Variants in TBX15 observed in about 807,000 individuals in gnomAD.
TBX15 encodes T-box transcription factor TBX15.
In TBX15, 18 loss-of-function variants were observed where a neutral mutation model predicts 53.9. The observed-to-expected ratio is 0.33, with a 90% CI of 0.23 to 0.49. TBX15 has a LOEUF of 0.49. TBX15 is among the 20% of genes least tolerant of loss of function. The pLI, the probability that TBX15 is intolerant of heterozygous loss-of-function variation, is 0.98. For synonymous variants in TBX15, 295 were observed against 278.0 expected (o/e 1.06, Z -0.61); for missense variants, 692 against 749.5 (o/e 0.92, Z 0.90).
chr1:118,941,623 C>T (rs1231352936), intron 1 of TBX15, among the ~76,000 whole-genome samples: 1 of 152,308 alleles, frequency 6.6e-6, no homozygotes, highest in South Asian at 2.1e-4. Flanking sequence ...TTCATTCGTT[C>T]AGCAAATAAT....
At chr1:118,939,442 A>AAAAAAAAAAAAAAAAAAAAAAAC (rs1656090809) in intron 1 of TBX15, among the ~76,000 whole-genome samples, 1 of 140,854 alleles carries the variant, frequency 7.1e-6, no homozygotes, top group Non-Finnish European at 1.5e-5. Context: ...AAAAACAAAA[A>AAAAAAAAAAAAAAAAAAAAAAAC]CAGGAACAGA....
intron 1 of TBX15, among the ~76,000 whole-genome samples, chr1:118,985,785 C>T (rs1418384012): frequency 6.6e-6 from 1 of 152,216 alleles, no homozygotes; most frequent in Non-Finnish European, 1.5e-5. Context: ...AGATCTTCCA[C>T]CCCACCCCCA....
At position 118,884,975 on chromosome 1, in the gene TBX15, G is replaced by A. The variant is rs747507128; in HGVS notation, c.1566C>T (p.Phe522=). The A allele has an allele frequency of 1.2e-6, 2 of 1,614,172 alleles. No homozygotes were observed. The highest frequency in any genetic ancestry group is 1.7e-6 in the Non-Finnish European group (2 of 1,180,034). ...HNPYNLYGYN[F]PTSPRLAASP... ...TTGCAGCTAGCCTAGGGGAAGTGGGGAAATTGTATCCATACAGGTTGTAAG... is the reference window on the plus strand; with the variant it reads ...TTGCAGCTAGCCTAGGGGAAGTGGGAAAATTGTATCCATACAGGTTGTAAG... The change falls in exon 8 of 8, where the codon TTC becomes TTT. Residue 522 remains phenylalanine, a synonymous_variant. Coordinates refer to ENST00000369429, the MANE Select transcript of TBX15 (RefSeq NM_001330677.2).
At chr1:118,921,113 G>T (rs1655411419) in intron 5 of TBX15, among the ~76,000 whole-genome samples, 1 of 152,046 alleles carries the variant, frequency 6.6e-6, no homozygotes, top group Admixed American at 6.5e-5. Flanking sequence ...CAGGAGGCCA[G>T]GGCTGCAGTG....
chr1:118,949,160 C>A (rs1409155), intron 1 of TBX15, among the ~76,000 whole-genome samples: 46,170 of 151,810 alleles, frequency 0.3, 8,470 homozygotes, highest in East Asian at 0.57. Context: ...ACACAGGAGT[C>A]AGGAATAGCA....
At chr1:118,939,425 A>AAAAAAAAAAAAAAAAAAAAAAAAAG (rs1656083281) in intron 1 of TBX15, among the ~76,000 whole-genome samples, 1 of 107,670 alleles carries the variant, frequency 9.3e-6, no homozygotes. Context: ...AAAAAAAAAA[A>AAAAAAAAAAAAAAAAAAAAAAAAAG]AAAAAAAAAA....
At chr1:118,978,653 A>G (rs192729926) in intron 1 of TBX15, among the ~76,000 whole-genome samples, 4 of 152,340 alleles carry the variant, frequency 2.6e-5, no homozygotes, top group Admixed American at 2.0e-4. Flanking sequence ...GATATAATAC[A>G]GAACATGAAG....
At chr1:118,902,021 T>A (rs913257212) in intron 6 of TBX15, among the ~76,000 whole-genome samples, 2 of 152,116 alleles carry the variant, frequency 1.3e-5, no homozygotes, top group African/African-American at 2.4e-5. Context: ...CCTAACCATG[T>A]CTTATTAATC....
At chr1:118,934,718 C>A (rs1655908548) in intron 1 of TBX15, among the ~76,000 whole-genome samples, 1 of 152,178 alleles carries the variant, frequency 6.6e-6, no homozygotes, top group Non-Finnish European at 1.5e-5. Context: ...TCTCAGATGT[C>A]TCTTAGAAGT....
At chr1:118,936,561 A>G (rs930211705) in intron 1 of TBX15, among the ~76,000 whole-genome samples, 2 of 152,136 alleles carry the variant, frequency 1.3e-5, no homozygotes, top group African/African-American at 4.8e-5. Context: ...AAAAAAAGTT[A>G]TATATTTATG....
At chr1:118,890,837 C>A (rs1190684854) in intron 7 of TBX15, 1 of 1,275,022 alleles carries the variant, frequency 7.8e-7, no homozygotes, top group African/African-American at 1.5e-5. Flanking sequence ...CCCATCTAGG[C>A]TAGTAAAGAA....
intron 1 of TBX15, among the ~76,000 whole-genome samples, chr1:118,945,727 G>T (rs1296993776): frequency 6.6e-6 from 1 of 152,082 alleles, no homozygotes. Context: ...ACCTCTCTTT[G>T]TTCTGTAATA....
At chr1:118,954,702 G>T (rs953647277) in intron 1 of TBX15, among the ~76,000 whole-genome samples, 1 of 152,228 alleles carries the variant, frequency 6.6e-6, no homozygotes, top group Admixed American at 6.5e-5. Flanking sequence ...ATTAAGGCAA[G>T]AATGGCCTGC....
At chr1:118,931,905 G>A in intron 1 of TBX15, 73 bp from the exon 2 acceptor site, 1 of 1,455,570 alleles carries the variant, frequency 6.9e-7, no homozygotes, top group Non-Finnish European at 9.3e-7. Context: ...AAAAGATGGG[G>A]GTGGGAAATG....
At chr1:118,894,437 C>T (rs535909495) in intron 7 of TBX15, among the ~76,000 whole-genome samples, 1 of 152,174 alleles carries the variant, frequency 6.6e-6, no homozygotes, top group South Asian at 2.1e-4. Context: ...AAACTGTGGC[C>T]ATTGAGCAGC....
chr1:118,987,811 C>T lies in TBX15; in HGVS notation c.-16G>A, dbSNP rs746457816. On this transcript the variant is annotated 5_prime_UTR_variant, in exon 1 of 8. Transcript: ENST00000369429. Reference sequence around the variant, plus strand: ...TTTCACTCATTTTAGCCGCCCACACCCCTGCCTCCGCTTGCCCCCGCTACC... The same window carrying T: ...TTTCACTCATTTTAGCCGCCCACACTCCTGCCTCCGCTTGCCCCCGCTACC... 6.5e-6 allele frequency: 10 copies of T among 1,547,804 alleles called. No homozygotes were observed. The Admixed American group carries it at 1.8e-4, about 27-fold the overall frequency.
In TBX15 at chr1:118,884,264, A is replaced by G. The variant is rs1486638749; in HGVS notation, c.*468T>C. The G allele has an allele frequency of 5.7e-6, 1 of 174,720 alleles. No homozygotes were observed. Among genetic ancestry groups the G allele is most frequent in the Non-Finnish European group, 1.2e-5 (1 of 81,118 alleles). The allele number at this position is 174,720 out of a possible 1,614,324, so 10.8% of individuals were successfully genotyped here. On this transcript the variant is annotated 3_prime_UTR_variant, in exon 8 of 8. Coordinates refer to ENST00000369429, the MANE Select transcript of TBX15 (RefSeq NM_001330677.2). Reference sequence around the variant, plus strand: ...AAGCACCCATTCTGGGCCTCCCTCCACAGAGTTCACCCAGTTCAGAGTCAG... The same window carrying G: ...AAGCACCCATTCTGGGCCTCCCTCCGCAGAGTTCACCCAGTTCAGAGTCAG...
At chr1:118,889,594 G>A (rs1019617035) in intron 7 of TBX15, among the ~76,000 whole-genome samples, 5 of 152,182 alleles carry the variant, frequency 3.3e-5, no homozygotes, top group African/African-American at 4.8e-5. Flanking sequence ...ATGGATGAGT[G>A]TGTTCTATAG....
At chr1:118,935,253 T>G (rs1655932320) in intron 1 of TBX15, among the ~76,000 whole-genome samples, 1 of 152,200 alleles carries the variant, frequency 6.6e-6, no homozygotes, top group African/African-American at 2.4e-5. Flanking sequence ...TTAGGATGTA[T>G]AATAAAGTTA....
Sources: allele counts gnomAD v4.1 joint callset (sites outside exome capture counted in the v4.1 genomes callset), GRCh38; gene constraint gnomAD v4.1.1; transcripts MANE v1.5; gene names NCBI Gene and HGNC (gene_info 2026-07-23, HGNC 2026-07-21).